Variants in ARL13B observed in about 807,000 individuals in gnomAD.
The protein encoded by ARL13B is ADP-ribosylation factor-like protein 13B.
In ARL13B, 36 loss-of-function variants were observed where a neutral mutation model predicts 56.1. The observed-to-expected ratio is 0.64, with a 90% CI of 0.49 to 0.85. The LOEUF is 0.85. Ranked by LOEUF, ARL13B falls within the 40% of genes least tolerant of loss-of-function variation. The probability of loss-of-function intolerance (pLI) is 0.00; values close to 1 mark genes in which losing one functional copy is unlikely to be tolerated. For missense variants in ARL13B, 519 were observed against 507.1 expected (o/e 1.02, Z -0.23); for synonymous variants, 178 against 171.1 (o/e 1.04, Z -0.32).
At chr3:94,014,959 T>C (rs761954229) in intron 3 of ARL13B, 3 of 1,614,044 alleles carry the variant, frequency 1.9e-6, no homozygotes, top group South Asian at 1.1e-5. Context: ...TCTGTTGATG[T>C]ATTCTGCCTG....
intron 1 of ARL13B, among the ~76,000 whole-genome samples, chr3:93,987,653 T>G (rs1265722241): frequency 6.6e-6 from 1 of 152,104 alleles, no homozygotes; most frequent in East Asian, 1.9e-4. Flanking sequence ...AAACCTCTAT[T>G]GTAATTCCTT....
rs575380654 is a variant in ARL13B, at chr3:94,034,177, A to AT, written c.381-1152dup. The stretch of plus-strand genomic sequence containing the variant: ...TTTAATATCTGGGTGAAGTAATGTG[A>AT]TTCAGGCAGCAAAATAGAAGGTATG... On this transcript the variant is annotated intron_variant, in intron 3 of 9. Coordinates refer to ENST00000394222, the MANE Select transcript of ARL13B (RefSeq NM_001174150.2). 8.5e-5 allele frequency among the ~76,000 whole-genome samples: 13 copies of AT among 152,180 alleles called. No individual in the cohort carries two copies. The South Asian group carries it at 2.5e-3, about 29-fold the overall frequency.
chr3:93,988,566 G>T, intron 1 of ARL13B: 1 of 339,982 alleles, frequency 2.9e-6, no homozygotes, highest in Admixed American at 3.6e-5. Context: ...CAAAGCAGTT[G>T]ATAAAAATAC....
At chr3:93,993,847 G>T (rs372910924) in intron 1 of ARL13B, among the ~76,000 whole-genome samples, 10 of 152,176 alleles carry the variant, frequency 6.6e-5, no homozygotes, top group African/African-American at 2.2e-4. Context: ...CCTAGACCTT[G>T]CCCACTACCT....
chr3:94,039,397 G>T (rs770316395), intron 5 of ARL13B, among the ~76,000 whole-genome samples: 1 of 151,676 alleles, frequency 6.6e-6, no homozygotes, highest in Admixed American at 6.6e-5. Flanking sequence ...CTACTCAGGA[G>T]GCTGAGGCAG....
Position 94,003,832 on chromosome 3 carries a change from G to T in ARL13B, c.304G>T (p.Glu102Ter), listed in dbSNP as rs778163154. Residue 102 changes from glutamate to a stop codon, truncating the protein, a stop_gained, in exon 3 of 10, where the codon GAG becomes TAG. Coordinates refer to ENST00000394222, the MANE Select transcript of ARL13B (RefSeq NM_001174150.2). LOFTEE classifies it high-confidence loss of function. ...ATTTGTTGTGGATTCCAGTGATGAA[G>T]AGAGAATGGAAGAGACAAAAGAGGC... ...VIFVVDSSDE[E>*]RMEETKEAMS... 7 of 1,613,594 alleles carry T rather than the reference G, an allele frequency of 4.3e-6. No homozygotes were observed. The highest frequency in any genetic ancestry group is 1.7e-6 in the Non-Finnish European group (2 of 1,179,750).
chr3:94,052,333 A>G (rs183111385), intron 9 of ARL13B, among the ~76,000 whole-genome samples: 263 of 152,248 alleles, frequency 1.7e-3, no homozygotes, highest in African/African-American at 6.0e-3. Context: ...AGAGAGGACA[A>G]TTCTTCAGCT....
At chr3:94,010,082 TGCTCTCC>T (rs2076199260) in intron 3 of ARL13B, among the ~76,000 whole-genome samples, 1 of 152,170 alleles carries the variant, frequency 6.6e-6, no homozygotes, top group Admixed American at 6.5e-5. Context: ...TTTCCATACG[TGCTCTCC>T]AGATCATTCT....
intron 3 of ARL13B, among the ~76,000 whole-genome samples, chr3:94,031,801 A>C (rs1195331431): frequency 6.6e-6 from 1 of 152,224 alleles, no homozygotes; most frequent in African/African-American, 2.4e-5. Context: ...ATAGAAATAG[A>C]TGAATAGATC....
At chr3:94,030,111 C>T (rs1206965081) in intron 3 of ARL13B, among the ~76,000 whole-genome samples, 2 of 151,942 alleles carry the variant, frequency 1.3e-5, no homozygotes, top group Admixed American at 6.6e-5. Flanking sequence ...GAACTAAACA[C>T]GAATGAAAAT....
chr3:94,046,920 T>C (rs566523222), intron 7 of ARL13B, among the ~76,000 whole-genome samples: 2 of 152,310 alleles, frequency 1.3e-5, no homozygotes, highest in African/African-American at 4.8e-5. Context: ...TTTGGTATCG[T>C]AGGGATATAG....
At chr3:93,992,844 G>C (rs2075898958) in intron 1 of ARL13B, among the ~76,000 whole-genome samples, 1 of 152,060 alleles carries the variant, frequency 6.6e-6, no homozygotes, top group Non-Finnish European at 1.5e-5. Context: ...CCAGGCTGGA[G>C]TACAAGTGGT....
chr3:93,994,240 T>C (rs1413557144), intron 1 of ARL13B, among the ~76,000 whole-genome samples: 1 of 152,176 alleles, frequency 6.6e-6, no homozygotes, highest in East Asian at 1.9e-4. Context: ...TTCTTGGACC[T>C]TCCTGCATTT....
At chr3:94,046,693 TTTTG>T (rs763770034) in intron 7 of ARL13B, among the ~76,000 whole-genome samples, 11 of 152,298 alleles carry the variant, frequency 7.2e-5, no homozygotes, top group South Asian at 2.1e-4. Flanking sequence ...TCTTAAGGTT[TTTTG>T]TTTGTTTTTT....
intron 7 of ARL13B, among the ~76,000 whole-genome samples, chr3:94,046,781 G>A (rs898351347): frequency 6.6e-6 from 1 of 151,880 alleles, no homozygotes; most frequent in Non-Finnish European, 1.5e-5. Flanking sequence ...AACTTTATTG[G>A]TACAACATTT....
intron 3 of ARL13B, among the ~76,000 whole-genome samples, chr3:94,033,432 T>C (rs1315298674): frequency 6.6e-6 from 1 of 152,182 alleles, no homozygotes; most frequent in Admixed American, 6.5e-5. Context: ...GCTACGCCAT[T>C]AATTCATTAT....
intron 2 of ARL13B, among the ~76,000 whole-genome samples, chr3:94,002,844 A>G (rs2076075906): frequency 6.6e-6 from 1 of 152,170 alleles, no homozygotes; most frequent in Admixed American, 6.5e-5. Context: ...GATTTGCTGT[A>G]GGCACAATGT....
intron 3 of ARL13B, among the ~76,000 whole-genome samples, chr3:94,009,662 C>G (rs1249110191): frequency 6.6e-6 from 1 of 152,048 alleles, no homozygotes; most frequent in Non-Finnish European, 1.5e-5. Flanking sequence ...GAAACCCCTA[C>G]TTATTGAATT....
intron 7 of ARL13B, among the ~76,000 whole-genome samples, chr3:94,048,905 G>C (rs2077024468): frequency 6.6e-6 from 1 of 152,014 alleles, no homozygotes; most frequent in South Asian, 2.1e-4. Flanking sequence ...CCTTGTAGGG[G>C]TTATTTTAAA....
Sources: allele counts gnomAD v4.1 joint callset (sites outside exome capture counted in the v4.1 genomes callset), GRCh38; gene constraint gnomAD v4.1.1; transcripts MANE v1.5; gene names NCBI Gene and HGNC (gene_info 2026-07-23, HGNC 2026-07-21).